The following ZFHX3 variants were observed in gnomAD, a reference collection of about 807,000 sequenced individuals.
ZFHX3 encodes zinc finger homeobox 3, also known as zinc finger homeobox protein 3.
A neutral mutation model predicts 279.1 loss-of-function variants in ZFHX3; 42 were observed. The observed-to-expected ratio is 0.15, with a 90% CI of 0.12 to 0.19. The LOEUF (loss-of-function observed/expected upper bound fraction) is 0.19. Ranked by LOEUF, ZFHX3 falls within the 10% of genes least tolerant of loss-of-function variation. The probability of loss-of-function intolerance (pLI) is 1.00; values close to 1 mark genes in which losing one functional copy is unlikely to be tolerated. For missense variants in ZFHX3, 4,981 were observed against 4,754.0 expected (o/e 1.05, Z -1.40); for synonymous variants, 2,293 against 1,957.8 (o/e 1.17, Z -4.52).
intron 1 of ZFHX3, among the ~76,000 whole-genome samples, chr16:73,823,640 GGGCTGCTTTGGCGCTACAA>G (rs1960815417): frequency 2.0e-5 from 3 of 148,112 alleles, no homozygotes; most frequent in African/African-American, 8.0e-5. Flanking sequence ...GCATTGTCTA[GGGCTGCTTTGGCGCTACAA>G]TGGCAGAATG....
At chr16:73,632,616 G>A (rs2052486092) in intron 2 of ZFHX3, among the ~76,000 whole-genome samples, 1 of 151,550 alleles carries the variant, frequency 6.6e-6, no homozygotes, top group Non-Finnish European at 1.5e-5. Context: ...AACCTGGGAG[G>A]TGAAGGTAGC....
chr16:72,933,274 G>C (rs1161060038), intron 3 of ZFHX3, among the ~76,000 whole-genome samples: 8 of 152,048 alleles, frequency 5.3e-5, no homozygotes. Flanking sequence ...TAACCAATCT[G>C]AGCCCTGTCT....
At chr16:73,588,193 C>T (rs149421616) in intron 2 of ZFHX3, among the ~76,000 whole-genome samples, 3 of 152,052 alleles carry the variant, frequency 2.0e-5, no homozygotes, top group Non-Finnish European at 4.4e-5. Context: ...AAATTAGCAA[C>T]TATATTAAAA....
intron 3 of ZFHX3, among the ~76,000 whole-genome samples, chr16:72,910,906 C>A (rs1299653545): frequency 4.6e-5 from 7 of 152,206 alleles, no homozygotes; most frequent in Non-Finnish European, 8.8e-5. Context: ...CAGTTACCCA[C>A]TTCTGATACC....
At chr16:72,921,918 G>A (rs886532447) in intron 3 of ZFHX3, among the ~76,000 whole-genome samples, 3 of 152,192 alleles carry the variant, frequency 2.0e-5, no homozygotes, top group Admixed American at 2.0e-4. Flanking sequence ...GATGCAAAAC[G>A]AAAGCAGGCC....
intron 1 of ZFHX3, among the ~76,000 whole-genome samples, chr16:73,819,578 T>C (rs547921971): frequency 6.6e-6 from 1 of 152,128 alleles, no homozygotes; most frequent in Admixed American, 6.6e-5. Flanking sequence ...AATGTGGCTG[T>C]ACCTGTTGAT....
At chr16:73,038,948 C>T (rs953722773) in intron 1 of ZFHX3, among the ~76,000 whole-genome samples, 1 of 151,766 alleles carries the variant, frequency 6.6e-6, no homozygotes, top group African/African-American at 2.4e-5. Flanking sequence ...CAGGCGTGCA[C>T]CACCACGCCC....
intron 1 of ZFHX3, among the ~76,000 whole-genome samples, chr16:73,004,159 C>CTTTTTTTTT (rs3081625): frequency 0.015 from 719 of 49,364 alleles, 188 homozygotes; most frequent in African/African-American, 0.064. Flanking sequence ...AAAAACACGA[C>CTTTTTTTTT]TTTTTTTTTT....
Position 72,794,515 on chromosome 16 carries a change from T to G in ZFHX3, c.8167A>C (p.Lys2723Gln). The G allele has an allele frequency of 6.2e-7, 1 of 1,614,210 alleles. No homozygotes were observed. The change falls in exon 9 of 10, where the codon AAG becomes CAG. Residue 2723 changes from lysine (K) to glutamine (Q), a missense_variant. This residue lies in a region of ZFHX3 where 744 missense variants were observed against 701.3 expected (regional missense o/e 1.06). Transcript: ENST00000268489. This position sits in a 1 kb window ranked among gnomAD's most constrained non-coding sequence, Gnocchi z 4.2. ...CPFCRALFKA[K>Q]TALEAHIRSR... ...CGGATATGAGCCTCAAGAGCAGTCT[T>G]GGCTTTGAAGAGCGCTCTGCAAAAA...
At chr16:73,191,223 A>T (rs1012793601) in intron 5 of ZFHX3, among the ~76,000 whole-genome samples, 3 of 152,158 alleles carry the variant, frequency 2.0e-5, no homozygotes, top group African/African-American at 7.2e-5. Flanking sequence ...CAGCAGGTAG[A>T]TCCACTGGTT....
chr16:72,968,033 T>C (rs1279761716), intron 1 of ZFHX3, among the ~76,000 whole-genome samples: 1 of 142,054 alleles, frequency 7.0e-6, no homozygotes, highest in Non-Finnish European at 1.5e-5. Context: ...ACAACAACAA[T>C]AACTTCACTG....
At chr16:73,397,828 A>G (rs2017160145) in intron 3 of ZFHX3, among the ~76,000 whole-genome samples, 1 of 151,826 alleles carries the variant, frequency 6.6e-6, no homozygotes, top group East Asian at 1.9e-4. Context: ...GGGGACATCA[A>G]GAGGCCTGTT....
intron 4 of ZFHX3, among the ~76,000 whole-genome samples, chr16:73,298,028 TA>T (rs905404340): frequency 1.4e-5 from 2 of 147,624 alleles, no homozygotes; most frequent in African/African-American, 5.0e-5. Context: ...CTAAAAAAAA[TA>T]AATAAATAAC....
At chr16:73,646,440 A>G (rs1403087484) in intron 2 of ZFHX3, among the ~76,000 whole-genome samples, 2 of 152,192 alleles carry the variant, frequency 1.3e-5, no homozygotes, top group African/African-American at 4.8e-5. Context: ...TGAACATTCA[A>G]TTTAAAAAGA....
At position 72,794,396 on chromosome 16, in the gene ZFHX3, T is replaced by A. The variant is rs746654597; in HGVS notation, c.8286A>T (p.Gly2762=). Residue 2762 remains glycine (G), a synonymous_variant, in exon 9 of 10, where the codon GGA becomes GGT. Coordinates refer to ENST00000268489, the MANE Select transcript of ZFHX3 (RefSeq NM_006885.4). The surrounding 1 kb of genome is among the most constrained non-coding windows in gnomAD (Gnocchi z 4.2). ...AAAAGCTAGTTCCGTCAAAAATATC[T>A]CCTTTCATCTGGAGTCCCCCATCAC... The part of the protein sequence containing the change: ...LDCDGGLQMK[G]DIFDGTSFSH... 2 of 1,606,770 alleles carry A rather than the reference T, an allele frequency of 1.2e-6. No homozygotes were observed. The highest frequency in any genetic ancestry group is 1.7e-6 in the Non-Finnish European group (2 of 1,175,856).
At chr16:73,421,498 T>C (rs1489421387) in intron 3 of ZFHX3, 3 of 152,252 alleles carry the variant, frequency 2.0e-5, no homozygotes, top group African/African-American at 7.2e-5. Context: ...ATTACATAAA[T>C]ATCTTTAGGA....
At chr16:73,003,408 C>T (rs1192504060) in intron 1 of ZFHX3, among the ~76,000 whole-genome samples, 5 of 151,324 alleles carry the variant, frequency 3.3e-5, no homozygotes, top group Non-Finnish European at 7.4e-5. Context: ...ACATTTTTTG[C>T]TAGGCACAAT....
At chr16:73,475,654 G>A (rs1261472287) in intron 2 of ZFHX3, among the ~76,000 whole-genome samples, 3 of 151,886 alleles carry the variant, frequency 2.0e-5, no homozygotes, top group Non-Finnish European at 4.4e-5. Context: ...TTCCTCAATT[G>A]AATGTTACTG....
chr16:72,786,550 T>TTTAAG lies in ZFHX3; in HGVS notation c.*609_*613dup, dbSNP rs1228474005. On this transcript the variant is annotated 3_prime_UTR_variant, in exon 10 of 10. Coordinates refer to ENST00000268489, the MANE Select transcript of ZFHX3 (RefSeq NM_006885.4). ...TTTTCTTGAATACTTTCTGCCCATT[T>TTTAAG]TTAAGTTAACAAAACAAAAAATCTT... 1.3e-5 allele frequency: 2 copies of TTTAAG among 150,216 alleles called. No individual in the cohort carries two copies. The highest frequency in any genetic ancestry group is 3.0e-5 in the Non-Finnish European group (2 of 67,608). 9.3% of individuals were successfully genotyped at this position (150,216 alleles called of 1,614,324 possible). A position where few individuals can be genotyped will look rare whatever the true frequency, so the allele number is the denominator to read the frequency against.
Sources: gnomAD v4.1 joint callset for allele counts (sites outside exome capture counted in the v4.1 genomes callset) on GRCh38, gnomAD v4.1.1 for gene constraint, gnomAD v4.1.1 regional missense constraint, Gnocchi (gnomAD v3.1) non-coding constraint, MANE v1.5 for transcripts, NCBI Gene and HGNC (gene_info 2026-07-23, HGNC 2026-07-21) for gene names.